The following OIP5 variants were observed in gnomAD, a reference collection of about 807,000 sequenced individuals.
OIP5 encodes the protein Opa interacting protein 5.
OIP5 carries 24 observed loss-of-function variants against 20.3 expected under a neutral mutation model. The observed-to-expected ratio is 1.18, with a 90% CI of 0.86 to 1.66. The LOEUF (loss-of-function observed/expected upper bound fraction) is 1.66. Ranked by LOEUF, OIP5 falls within the 40% of genes most tolerant of loss-of-function variation. The pLI, the probability that OIP5 is intolerant of heterozygous loss-of-function variation, is 0.00. For synonymous variants in OIP5, 143 were observed against 121.3 expected (o/e 1.18, Z -1.17); for missense variants, 339 against 289.5 (o/e 1.17, Z -1.24).
chr15:41,320,284 G>C (rs574291446), intron 2 of OIP5, among the ~76,000 whole-genome samples: 1 of 150,380 alleles, frequency 6.6e-6, no homozygotes, highest in Non-Finnish European at 1.5e-5. Context: ...CTCTCCCCAC[G>C]GTCTCCCTCT....
At chr15:41,310,918 T>TGTTA (rs1168019422) in intron 4 of OIP5, among the ~76,000 whole-genome samples, 1 of 152,244 alleles carries the variant, frequency 6.6e-6, no homozygotes, top group Non-Finnish European at 1.5e-5. Context: ...TTTTAAGAGT[T>TGTTA]CTTACAGCTA....
At chr15:41,317,842 T>G (rs1223941293) in intron 3 of OIP5, among the ~76,000 whole-genome samples, 1 of 152,032 alleles carries the variant, frequency 6.6e-6, no homozygotes, top group African/African-American at 2.4e-5. Flanking sequence ...CCATACACAG[T>G]TAATATTTTA....
In OIP5 at chr15:41,332,569, C is replaced by G; in HGVS notation, c.-8G>C. 1.3e-6 allele frequency: 2 copies of G among 1,591,924 alleles called. No homozygotes were observed. Among genetic ancestry groups the G allele is most frequent in the East Asian group, 2.2e-5 (1 of 44,792 alleles). On this transcript the variant is annotated 5_prime_UTR_variant, in exon 1 of 5. Coordinates refer to ENST00000220514, the MANE Select transcript of OIP5 (RefSeq NM_007280.2). ...CAGCGGCTGAGCCGCCATCTTCCCGCAGCCGGCGCCTTCCTTTCGAATACA... is the reference window on the plus strand; with the variant it reads ...CAGCGGCTGAGCCGCCATCTTCCCGGAGCCGGCGCCTTCCTTTCGAATACA...
chr15:41,315,360 C>T (rs977836961), intron 3 of OIP5, among the ~76,000 whole-genome samples: 5 of 148,698 alleles, frequency 3.4e-5, no homozygotes, highest in Non-Finnish European at 7.4e-5. Context: ...ACCTGGGAGG[C>T]GGAGGTTGCA....
chr15:41,319,350 G>A (rs969833556), intron 3 of OIP5, among the ~76,000 whole-genome samples: 8 of 151,846 alleles, frequency 5.3e-5, no homozygotes, highest in African/African-American at 1.9e-4. Context: ...CTGCCTCCCA[G>A]GTTCCAACAA....
chr15:41,320,703 AC>A (rs1753013907), intron 2 of OIP5, among the ~76,000 whole-genome samples: 1 of 150,992 alleles, frequency 6.6e-6, no homozygotes, highest in Admixed American at 6.6e-5. Context: ...CCCAGCCGCC[AC>A]CCCGTCTGGG....
intron 3 of OIP5, among the ~76,000 whole-genome samples, chr15:41,316,580 G>A (rs2047789743): frequency 6.6e-6 from 1 of 152,028 alleles, no homozygotes; most frequent in Non-Finnish European, 1.5e-5. Flanking sequence ...ACGAGGTCAA[G>A]GAGATCGAGA....
chr15:41,315,029 C>G (rs1288082336), intron 3 of OIP5, among the ~76,000 whole-genome samples: 1 of 149,136 alleles, frequency 6.7e-6, no homozygotes, highest in Non-Finnish European at 1.5e-5. Context: ...GGAGGATCAC[C>G]TGAACCCAAA....
intron 4 of OIP5, 121 bp from the exon 5 acceptor site, chr15:41,309,970 C>T: frequency 3.4e-6 from 2 of 594,984 alleles, no homozygotes; most frequent in Admixed American, 3.0e-5. Context: ...TTCACTGCAG[C>T]CTCAAGCTCC....
intron 2 of OIP5, among the ~76,000 whole-genome samples, chr15:41,324,089 G>A (rs997339745): frequency 6.7e-6 from 1 of 149,594 alleles, no homozygotes; most frequent in Non-Finnish European, 1.5e-5. Flanking sequence ...ACCTCTCTGG[G>A]CTCAAGCCAG....
At chr15:41,321,661 A>C (rs988104101) in intron 2 of OIP5, among the ~76,000 whole-genome samples, 3 of 151,764 alleles carry the variant, frequency 2.0e-5, no homozygotes, top group Admixed American at 2.0e-4. Flanking sequence ...TGCTGTGTCC[A>C]CTCAGGGTTA....
intron 2 of OIP5, among the ~76,000 whole-genome samples, chr15:41,320,074 ATC>A (rs2047813345): frequency 6.6e-6 from 1 of 152,208 alleles, no homozygotes; most frequent in African/African-American, 2.4e-5. Flanking sequence ...GAGCTAACTA[ATC>A]TGATTAACAT....
At chr15:41,319,530 A>C in intron 3 of OIP5, 128 bp downstream of exon 3, 1 of 865,734 alleles carries the variant, frequency 1.2e-6, no homozygotes, top group Non-Finnish European at 1.7e-6. Context: ...CTGGGATTAC[A>C]GGCATAAGCC....
rs545422681 is a variant in OIP5, at chr15:41,309,396, A to G, written c.*358T>C. Reference sequence around the variant, plus strand: ...CCATGCAGGAGTAATAGAAGTCAACATTAAGCCCAACTCTATTTTCAGACC... The same window carrying G: ...CCATGCAGGAGTAATAGAAGTCAACGTTAAGCCCAACTCTATTTTCAGACC... On this transcript the variant is annotated 3_prime_UTR_variant, in exon 5 of 5. Transcript: ENST00000220514. 1 of 176,158 alleles carries G rather than the reference A, an allele frequency of 5.7e-6. No homozygotes were observed. The highest frequency in any genetic ancestry group is 1.4e-4 in the South Asian group (1 of 7,220). The allele number at this position is 176,158 out of a possible 1,614,324, so 10.9% of individuals were successfully genotyped here. A position where few individuals can be genotyped will look rare whatever the true frequency, so the allele number is the denominator to read the frequency against.
At chr15:41,330,773 C>T (rs941574046) in intron 2 of OIP5, among the ~76,000 whole-genome samples, 2 of 152,136 alleles carry the variant, frequency 1.3e-5, no homozygotes, top group African/African-American at 4.8e-5. Context: ...ATTCTGTGTT[C>T]ACAGCATATC....
intron 2 of OIP5, among the ~76,000 whole-genome samples, chr15:41,323,186 C>T (rs1000680180): frequency 6.6e-6 from 1 of 151,954 alleles, no homozygotes; most frequent in Non-Finnish European, 1.5e-5. Context: ...ACAAATGTCT[C>T]AGTGGAAATT....
chr15:41,316,782 T>A, intron 3 of OIP5, among the ~76,000 whole-genome samples: 1 of 91,788 alleles, frequency 1.1e-5, no homozygotes, highest in South Asian at 3.6e-4. Flanking sequence ...ACAGCAAGAC[T>A]CCATCTCAAA....
At chr15:41,322,686 G>A (rs2047837834) in intron 2 of OIP5, among the ~76,000 whole-genome samples, 1 of 152,162 alleles carries the variant, frequency 6.6e-6, no homozygotes, top group Non-Finnish European at 1.5e-5. Flanking sequence ...TGTAATCCCA[G>A]CACTTTGGGA....
chr15:41,320,475 T>C (rs545365897), intron 2 of OIP5, among the ~76,000 whole-genome samples: 1 of 152,334 alleles, frequency 6.6e-6, no homozygotes, highest in East Asian at 1.9e-4. Context: ...AGACGGGGTT[T>C]CGCTGTGTTG....
Sources: gnomAD v4.1 joint callset for allele counts (sites outside exome capture counted in the v4.1 genomes callset) on GRCh38, gnomAD v4.1.1 for gene constraint, MANE v1.5 for transcripts, NCBI Gene and HGNC (gene_info 2026-07-23, HGNC 2026-07-21) for gene names.